PTPRD: variants seen among roughly 807,000 people sequenced by gnomAD.
The protein encoded by PTPRD is receptor-type tyrosine-protein phosphatase delta.
A neutral mutation model predicts 214.5 loss-of-function variants in PTPRD; 34 were observed. That is an observed-to-expected ratio of 0.16 (90% confidence interval 0.12 to 0.21). The LOEUF is 0.21. Among genes scored for constraint, PTPRD ranks in the 10% least tolerant of loss-of-function variants. The pLI is 1.00. For missense variants in PTPRD, 2,545 were observed against 2,398.7 expected, an observed-to-expected ratio of 1.06 and a Z score of -1.27; for synonymous variants, 1,128 against 845.7, an observed-to-expected ratio of 1.33 and a Z score of -5.79.
chr9:8,489,656 T>G (rs2097109079), intron 27 of PTPRD, among the ~76,000 whole-genome samples: 1 of 152,174 alleles, frequency 6.6e-6, no homozygotes. Context: ...AAATGCAGTT[T>G]AAACAGGCTG....
At chr9:8,731,536 ATAACTT>A (rs2098659222) in intron 12 of PTPRD, among the ~76,000 whole-genome samples, 1 of 152,210 alleles carries the variant, frequency 6.6e-6, no homozygotes. Flanking sequence ...AGTGTTACTT[ATAACTT>A]TATTTTTATT....
chr9:9,845,503 G>A (rs150049219), intron 5 of PTPRD, among the ~76,000 whole-genome samples: 9 of 151,610 alleles, frequency 5.9e-5, no homozygotes, highest in African/African-American at 1.9e-4. Context: ...AGGGTGAGGT[G>A]GGGGGCATCA....
chr9:8,486,320 G>T lies in PTPRD; in HGVS notation c.2497C>A (p.His833Asn). 1 of 1,614,124 alleles carries T rather than the reference G, an allele frequency of 6.2e-7. No individual in the cohort carries two copies. The highest frequency in any genetic ancestry group is 2.2e-5 in the East Asian group (1 of 44,880). ...ATAAGAGCAGTATTCATCTGAGTGT[G>T]GTTAATCACAAGCCGAGGTTTCCCT... ...VPGKPRLVIN[H>N]TQMNTALIQW... Residue 833 changes from histidine (H) to asparagine (N), a missense_variant, in exon 28 of 46, where the codon CAC (histidine) becomes AAC (asparagine). By Grantham distance (68) the His-to-Asn change is moderately conservative. Transcript: ENST00000381196.
intron 8 of PTPRD, among the ~76,000 whole-genome samples, chr9:9,492,164 A>C (rs1344032612): frequency 5.3e-5 from 8 of 151,876 alleles, no homozygotes; most frequent in African/African-American, 1.9e-4. Flanking sequence ...AAATTCCTAT[A>C]AACACAGAAC....
At chr9:10,243,410 G>C (rs1209756940) in intron 3 of PTPRD, among the ~76,000 whole-genome samples, 1 of 151,880 alleles carries the variant, frequency 6.6e-6, no homozygotes, top group East Asian at 1.9e-4. Context: ...GGTTGTGGAG[G>C]TTTAATCATA....
intron 4 of PTPRD, among the ~76,000 whole-genome samples, chr9:9,984,045 T>G (rs1469618230): frequency 6.6e-6 from 1 of 152,186 alleles, no homozygotes; most frequent in South Asian, 2.1e-4. Flanking sequence ...TAGCAGTGAT[T>G]GGAAAAATGA....
intron 8 of PTPRD, among the ~76,000 whole-genome samples, chr9:9,478,699 G>A (rs2095242897): frequency 6.6e-6 from 1 of 152,064 alleles, no homozygotes; most frequent in Non-Finnish European, 1.5e-5. Flanking sequence ...TATTAAAGTT[G>A]AAAATTAATT....
chr9:9,327,530 T>C (rs2039416), intron 9 of PTPRD, among the ~76,000 whole-genome samples: 41,396 of 151,994 alleles, frequency 0.27, 5,975 homozygotes, highest in East Asian at 0.5. Flanking sequence ...GCAAAGCACA[T>C]AGTATAAAAA....
intron 4 of PTPRD, among the ~76,000 whole-genome samples, chr9:9,987,838 A>C (rs551759296): frequency 6.6e-6 from 1 of 152,182 alleles, no homozygotes; most frequent in African/African-American, 2.4e-5. Context: ...TGCAAATTGG[A>C]TGAAGACAAC....
chr9:9,125,771 T>C (rs899427391), intron 10 of PTPRD, among the ~76,000 whole-genome samples: 1 of 152,174 alleles, frequency 6.6e-6, no homozygotes, highest in Non-Finnish European at 1.5e-5. Context: ...CATAGAACTA[T>C]ATATACTCCA....
chr9:9,990,102 C>T (rs1221306338), intron 4 of PTPRD, among the ~76,000 whole-genome samples: 1 of 152,164 alleles, frequency 6.6e-6, no homozygotes, highest in African/African-American at 2.4e-5. Flanking sequence ...GGAGAGGATT[C>T]AACCATCTCT....
At chr9:9,829,465 G>C (rs533153810) in intron 5 of PTPRD, among the ~76,000 whole-genome samples, 4 of 151,684 alleles carry the variant, frequency 2.6e-5, no homozygotes, top group African/African-American at 7.3e-5. Context: ...AATTCCTCTG[G>C]CTTTAATGTG....
intron 10 of PTPRD, among the ~76,000 whole-genome samples, chr9:9,072,874 T>C (rs990052122): frequency 6.6e-6 from 1 of 152,176 alleles, no homozygotes; most frequent in Non-Finnish European, 1.5e-5. Flanking sequence ...TCTAGAAAAC[T>C]GAATGAGCAT....
intron 3 of PTPRD, among the ~76,000 whole-genome samples, chr9:10,075,041 C>T (rs1219323459): frequency 6.6e-6 from 1 of 151,988 alleles, no homozygotes; most frequent in Non-Finnish European, 1.5e-5. Context: ...TTTATAAATT[C>T]ATTCTGTGTG....
At chr9:9,020,402 G>T (rs143357616) in intron 10 of PTPRD, among the ~76,000 whole-genome samples, 1 of 152,158 alleles carries the variant, frequency 6.6e-6, no homozygotes, top group East Asian at 1.9e-4. Context: ...GTGAAATTTT[G>T]TAAGAAAGCT....
rs150164362 is a variant in PTPRD at position 10,160,420 on chromosome 9, T to C, written c.-544-126630A>G. 2.8e-3 allele frequency among the ~76,000 whole-genome samples: 431 copies of C among 152,028 alleles called. 3 individuals carry two copies. The highest frequency in any genetic ancestry group is 9.5e-3 in the African/African-American group (394 of 41,544). On this transcript the variant is annotated intron_variant, in intron 3 of 45. Coordinates refer to ENST00000381196, the MANE Select transcript of PTPRD (RefSeq NM_002839.4). ...TCACTGCTGAATTTTACCCAACCTT[T>C]CAAGAAGAATGAATACCAATTCTTC...
intron 11 of PTPRD, among the ~76,000 whole-genome samples, chr9:9,011,388 G>C (rs138311432): frequency 1.3e-5 from 2 of 152,186 alleles, no homozygotes; most frequent in Non-Finnish European, 2.9e-5. Context: ...TAAATATATG[G>C]TAAAATACAT....
At chr9:10,599,039 G>C (rs2077332191) in intron 2 of PTPRD, among the ~76,000 whole-genome samples, 1 of 151,496 alleles carries the variant, frequency 6.6e-6, no homozygotes, top group Non-Finnish European at 1.5e-5. Context: ...CGTGCAACTG[G>C]GTATGACCAC....
intron 3 of PTPRD, among the ~76,000 whole-genome samples, chr9:10,191,612 C>A (rs2099363867): frequency 6.6e-6 from 1 of 152,066 alleles, no homozygotes; most frequent in South Asian, 2.1e-4. Flanking sequence ...TATCCCTATA[C>A]TTTGTTTGTA....
Sources: gnomAD v4.1 joint callset for allele counts (sites outside exome capture counted in the v4.1 genomes callset) on GRCh38, gnomAD v4.1.1 for gene constraint, MANE v1.5 for transcripts, NCBI Gene and HGNC (gene_info 2026-07-23, HGNC 2026-07-21) for gene names.